DEK: variants seen among roughly 807,000 people sequenced by gnomAD.
DEK encodes protein DEK.
In DEK, 28 loss-of-function variants were observed where a neutral mutation model predicts 46.8. That is an observed-to-expected ratio of 0.60 (90% CI 0.44 to 0.82). DEK has a LOEUF of 0.82. DEK is among the 40% of genes least tolerant of loss of function. The pLI, the probability that DEK is intolerant of heterozygous loss-of-function variation, is 0.00. For synonymous variants in DEK, 160 were observed against 144.5 expected (o/e 1.11, Z -0.77); for missense variants, 416 against 430.6 (o/e 0.97, Z 0.30).
At chr6:18,229,816 C>G (rs922078627) in intron 9 of DEK, among the ~76,000 whole-genome samples, 2 of 152,166 alleles carry the variant, frequency 1.3e-5, no homozygotes, top group African/African-American at 4.8e-5. Flanking sequence ...AGGATATTAT[C>G]CAGGAGAACT....
intron 9 of DEK, among the ~76,000 whole-genome samples, chr6:18,231,417 CAATT>C (rs953076884): frequency 5.3e-5 from 8 of 152,008 alleles, no homozygotes; most frequent in Non-Finnish European, 1.0e-4. Context: ...TCAAAAAAAG[CAATT>C]AATCCAGGAG....
intron 2 of DEK, among the ~76,000 whole-genome samples, chr6:18,262,967 C>T (rs891859024): frequency 6.6e-6 from 1 of 152,106 alleles, no homozygotes; most frequent in Non-Finnish European, 1.5e-5. Context: ...GCGCTTCAAC[C>T]TCTTCCCAAG....
At chr6:18,250,549 G>A (rs13437077) in intron 6 of DEK, among the ~76,000 whole-genome samples, 37 of 140,814 alleles carry the variant, frequency 2.6e-4, no homozygotes, top group African/African-American at 9.3e-4. Flanking sequence ...CACTCCAATC[G>A]AAGGAATGGG....
chr6:18,228,345 TC>T (rs1166029891), intron 9 of DEK, among the ~76,000 whole-genome samples: 2 of 152,066 alleles, frequency 1.3e-5, no homozygotes, highest in African/African-American at 4.8e-5. Context: ...ATGCCAACCC[TC>T]TAAAATATAG....
rs60332682 is a variant in DEK, at chr6:18,237,860, C to CTTTT, written c.763-348_763-345dup. Among the ~76,000 whole-genome samples, 120 of 88,498 alleles carry CTTTT rather than the reference C, an allele frequency of 1.4e-3. 1 individual carries two copies. The highest frequency in any genetic ancestry group is 1.6e-3 in the Non-Finnish European group (76 of 47,494). The allele number at this position is 88,498 out of a possible 152,430, so 58.1% of individuals were successfully genotyped here. ...ATGTTCTCTCTCTTTCAACTGGAAT[C>CTTTT]TTTTTTTTTTTTTTTTTTTTTTTTG... On this transcript the variant is annotated intron_variant, in intron 7 of 10. Coordinates refer to ENST00000652689, the MANE Select transcript of DEK (RefSeq NM_003472.4).
intron 7 of DEK, among the ~76,000 whole-genome samples, chr6:18,239,547 C>T (rs963900790): frequency 3.3e-5 from 5 of 151,970 alleles, no homozygotes; most frequent in African/African-American, 9.7e-5. Flanking sequence ...TCACCCTGCA[C>T]TACCTCAACA....
intron 2 of DEK, among the ~76,000 whole-genome samples, chr6:18,259,394 C>CAAAAAAAAAAAAAAAAAAAAAAAAAAAAA: frequency 2.4e-5 from 1 of 41,482 alleles, no homozygotes; most frequent in South Asian, 7.1e-4. Flanking sequence ...GACTCCGTCT[C>CAAAAAAAAAAAAAAAAAAAAAAAAAAAAA]AAAAAAAAAA....
intron 7 of DEK, among the ~76,000 whole-genome samples, chr6:18,243,927 A>G (rs1791000093): frequency 6.6e-6 from 1 of 152,200 alleles, no homozygotes; most frequent in African/African-American, 2.4e-5. Context: ...TGATCTCACC[A>G]CTGTACTCCA....
chr6:18,239,361 T>A (rs6932980), intron 7 of DEK, among the ~76,000 whole-genome samples: 1,207 of 120,462 alleles, frequency 0.01, 7 homozygotes, highest in Non-Finnish European at 0.016. Flanking sequence ...TTTTTTTTTT[T>A]AAAAAAAAGA....
In DEK at chr6:18,225,703, T is replaced by A. The variant is rs761525670; in HGVS notation, c.*16A>T. 6.2e-6 allele frequency: 10 copies of A among 1,612,008 alleles called. No homozygotes were observed. The highest frequency in any genetic ancestry group is 5.4e-5 in the African/African-American group (4 of 74,716). On this transcript the variant is annotated 3_prime_UTR_variant, in exon 11 of 11. Transcript: ENST00000652689. Reference sequence around the variant, plus strand: ...TTCAAATCTATGGGAACGAGTCATCTTCTCTGTCCTCTATCTCAAGAAATT... The same window carrying A: ...TTCAAATCTATGGGAACGAGTCATCATCTCTGTCCTCTATCTCAAGAAATT...
chr6:18,224,031 A>G lies in DEK; in HGVS notation c.*1688T>C, dbSNP rs879245582. 3 of 156,224 alleles carry G rather than the reference A, an allele frequency of 1.9e-5. No individual in the cohort carries two copies. In the South Asian group the frequency reaches 6.2e-4, roughly 32 times the overall value. 9.7% of individuals were successfully genotyped at this position (156,224 alleles called of 1,614,324 possible). On this transcript the variant is annotated 3_prime_UTR_variant, in exon 11 of 11. Transcript: ENST00000652689. Reference sequence around the variant, plus strand: ...TATTCAGTTTTGTGAAGTCACTCCAAGAAAATGGTCCATTACCACAAAAGA... The same window carrying G: ...TATTCAGTTTTGTGAAGTCACTCCAGGAAAATGGTCCATTACCACAAAAGA...
In DEK at chr6:18,224,802, T is replaced by A; in HGVS notation, c.*917A>T. 4.7e-6 allele frequency: 1 copy of A among 212,344 alleles called. No homozygotes were observed. The highest frequency in any genetic ancestry group is 9.6e-6 in the Non-Finnish European group (1 of 104,686). 13.2% of individuals were successfully genotyped at this position (212,344 alleles called of 1,614,324 possible). A position where few individuals can be genotyped will look rare whatever the true frequency, so the allele number is the denominator to read the frequency against. ...CAGTTCATTTACTGTAAGCCAAATG[T>A]GCTTGTACTTAATCCCACCCTTTCC... On this transcript the variant is annotated 3_prime_UTR_variant, in exon 11 of 11. Transcript: ENST00000652689.
intron 7 of DEK, among the ~76,000 whole-genome samples, chr6:18,247,301 G>A (rs944407101): frequency 1.3e-5 from 2 of 152,144 alleles, no homozygotes; most frequent in Non-Finnish European, 1.5e-5. Context: ...CAATTTCTCA[G>A]TCCAAATTTT....
intron 4 of DEK, among the ~76,000 whole-genome samples, chr6:18,256,804 ATAAG>A (rs1193409707): frequency 1.3e-5 from 2 of 152,246 alleles, no homozygotes; most frequent in Non-Finnish European, 2.9e-5. Context: ...TATCCTTTTC[ATAAG>A]TAATAAAGTT....
intron 7 of DEK, among the ~76,000 whole-genome samples, chr6:18,245,006 C>G (rs1225110703): frequency 6.6e-6 from 1 of 152,182 alleles, no homozygotes; most frequent in East Asian, 1.9e-4. Flanking sequence ...AGATGGCTCA[C>G]TGAACCACCC....
Position 18,225,694 on chromosome 6 carries a change from C to CGAGT in DEK, c.*21_*24dup. 1.2e-6 allele frequency: 2 copies of CGAGT among 1,610,332 alleles called. No individual in the cohort carries two copies. On this transcript the variant is annotated 3_prime_UTR_variant, in exon 11 of 11. Transcript: ENST00000652689. Reference sequence around the variant, plus strand: ...AATCAGATCTTCAAATCTATGGGAACGAGTCATCTTCTCTGTCCTCTATCT... The same window carrying CGAGT: ...AATCAGATCTTCAAATCTATGGGAACGAGTGAGTCATCTTCTCTGTCCTCTATCT...
chr6:18,226,657 G>A lies in DEK; in HGVS notation c.1048-415C>T, dbSNP rs553043653. ...TAGCCAGGCATGGTCATGCATGCCTGTAATCCCAGCTACTGAGGAGGGTGA... is the reference window on the plus strand; with the variant it reads ...TAGCCAGGCATGGTCATGCATGCCTATAATCCCAGCTACTGAGGAGGGTGA... On this transcript the variant is annotated intron_variant, in intron 9 of 10. Coordinates refer to ENST00000652689, the MANE Select transcript of DEK (RefSeq NM_003472.4). Among the ~76,000 whole-genome samples the A allele has an allele frequency of 1.0e-3, 152 of 152,310 alleles. 2 individuals carry two copies. The highest frequency in any genetic ancestry group is 6.3e-4 in the Non-Finnish European group (43 of 68,030).
intron 9 of DEK, among the ~76,000 whole-genome samples, chr6:18,234,836 A>T (rs1357024116): frequency 6.6e-6 from 1 of 152,098 alleles, no homozygotes; most frequent in African/African-American, 2.4e-5. Flanking sequence ...TTTCCTTCCA[A>T]AGACAGCTGC....
intron 9 of DEK, among the ~76,000 whole-genome samples, chr6:18,229,639 G>C (rs569397370): frequency 6.6e-6 from 1 of 152,144 alleles, no homozygotes; most frequent in Admixed American, 6.6e-5. Context: ...TGATTGAAGA[G>C]CAAATGAATG....
Sources: gnomAD v4.1 joint callset for allele counts (sites outside exome capture counted in the v4.1 genomes callset) on GRCh38, gnomAD v4.1.1 for gene constraint, MANE v1.5 for transcripts, NCBI Gene and HGNC (gene_info 2026-07-23, HGNC 2026-07-21) for gene names.